PDE10A: variants seen among roughly 807,000 people sequenced by gnomAD.
The protein encoded by PDE10A is cAMP and cAMP-inhibited cGMP 3',5'-cyclic phosphodiesterase 10A.
Under a neutral mutation model 97.7 loss-of-function variants are expected in PDE10A, and 39 were observed. That is an observed-to-expected ratio of 0.40 (90% CI 0.31 to 0.52). The LOEUF (loss-of-function observed/expected upper bound fraction) is 0.52. Ranked by LOEUF, PDE10A falls within the 20% of genes least tolerant of loss-of-function variation. The pLI is 0.56. For missense variants in PDE10A, 731 were observed against 1,047.8 expected (o/e 0.70, Z 4.17); for synonymous variants, 371 against 376.8 (o/e 0.98, Z 0.18).
chr6:165,873,476 T>C (rs1781256209), intron 1 of PDE10A, among the ~76,000 whole-genome samples: 1 of 152,144 alleles, frequency 6.6e-6, no homozygotes, highest in African/African-American at 2.4e-5. Context: ...AATTTCATAT[T>C]ATAAATTCAG....
At chr6:165,522,051 C>G (rs1782160021) in intron 2 of PDE10A, among the ~76,000 whole-genome samples, 1 of 152,118 alleles carries the variant, frequency 6.6e-6, no homozygotes, top group Non-Finnish European at 1.5e-5. Flanking sequence ...TGACTAGATC[C>G]CATTTTGTTT....
chr6:165,647,722 T>C (rs987552010), intron 1 of PDE10A, among the ~76,000 whole-genome samples: 6 of 152,180 alleles, frequency 3.9e-5, no homozygotes, highest in Non-Finnish European at 8.8e-5. Flanking sequence ...CTCAGCAGCC[T>C]TTCTCTTCCT....
In PDE10A at chr6:165,446,243, G is replaced by A. The variant is rs566340809; in HGVS notation, c.1194+2685C>T. ...AGACAAATTCACACAAACACAAACT[G>A]AGAGTGCTTTCCATCAGCAGACTCT... On this transcript the variant is annotated intron_variant, in intron 5 of 21. Coordinates refer to ENST00000539869, the MANE Select transcript of PDE10A (RefSeq NM_001385079.1). Among the ~76,000 whole-genome samples the A allele has an allele frequency of 7.6e-4, 115 of 152,172 alleles. 1 individual carries two copies. Among genetic ancestry groups the A allele is most frequent in the Non-Finnish European group, 1.2e-3 (80 of 68,024 alleles).
chr6:165,456,364 G>A (rs1487369688), intron 3 of PDE10A, among the ~76,000 whole-genome samples: 3 of 152,118 alleles, frequency 2.0e-5, no homozygotes, highest in Non-Finnish European at 4.4e-5. Context: ...CATTTTCCAC[G>A]TGGAAGAAAG....
At chr6:165,810,504 T>C (rs1217766858) in intron 1 of PDE10A, among the ~76,000 whole-genome samples, 1 of 152,200 alleles carries the variant, frequency 6.6e-6, no homozygotes, top group African/African-American at 2.4e-5. Context: ...GGGCCAACTG[T>C]AACATCCCTG....
At chr6:165,561,927 A>C (rs532319069) in intron 1 of PDE10A, among the ~76,000 whole-genome samples, 3 of 152,340 alleles carry the variant, frequency 2.0e-5, no homozygotes, top group African/African-American at 7.2e-5. Context: ...ATCAAATTCT[A>C]GTAGAGAAAT....
In PDE10A at chr6:165,819,389, G is replaced by A. The variant is rs138676025; in HGVS notation, c.-615+168140C>T. On this transcript the variant is annotated intron_variant, in intron 1 of 19. Coordinates refer to the PDE10A transcript ENST00000366882. This position sits in a 1 kb window ranked among gnomAD's most constrained non-coding sequence, Gnocchi z 4.2. ...TCATCCTCAGCTCCTGTTGCCTGATGCAGTTGCCGACCCCACCTCCTGCAC... is the reference window on the plus strand; with the variant it reads ...TCATCCTCAGCTCCTGTTGCCTGATACAGTTGCCGACCCCACCTCCTGCAC... Among the ~76,000 whole-genome samples the A allele has an allele frequency of 2.0e-5, 3 of 152,258 alleles. No homozygotes were observed. Among genetic ancestry groups the A allele is most frequent in the Non-Finnish European group, 4.4e-5 (3 of 68,020 alleles).
chr6:165,872,283 G>A (rs1006193179), intron 1 of PDE10A, among the ~76,000 whole-genome samples: 1 of 152,200 alleles, frequency 6.6e-6, no homozygotes, highest in African/African-American at 2.4e-5. Flanking sequence ...TAAGTCAGTA[G>A]CCAGAAACCC....
At chr6:165,978,884 C>T (rs1244265821) in intron 1 of PDE10A, among the ~76,000 whole-genome samples, 1 of 152,144 alleles carries the variant, frequency 6.6e-6, no homozygotes, top group Non-Finnish European at 1.5e-5. Flanking sequence ...TTATAAATAA[C>T]TCTGAAGTAC....
chr6:165,679,182 A>G (rs1488931674), intron 1 of PDE10A, among the ~76,000 whole-genome samples: 1 of 152,200 alleles, frequency 6.6e-6, no homozygotes, highest in Non-Finnish European at 1.5e-5. Context: ...TCAGGTAGGT[A>G]GGACAGGGCT....
intron 3 of PDE10A, among the ~76,000 whole-genome samples, chr6:165,459,855 C>G (rs111615593): frequency 0.1 from 15,709 of 152,030 alleles, 962 homozygotes; most frequent in Middle Eastern, 0.2. Context: ...GGGAAGCATG[C>G]TCATACTAAA....
At chr6:165,755,544 T>C (rs1162466709) in intron 1 of PDE10A, among the ~76,000 whole-genome samples, 3 of 152,162 alleles carry the variant, frequency 2.0e-5, no homozygotes, top group African/African-American at 4.8e-5. Flanking sequence ...GTCTTTATTA[T>C]CAAATAAGCG....
At chr6:165,782,651 G>A (rs1017839713) in intron 1 of PDE10A, among the ~76,000 whole-genome samples, 4 of 152,060 alleles carry the variant, frequency 2.6e-5, no homozygotes, top group African/African-American at 9.7e-5. Context: ...ATTTCCCCTG[G>A]GTCCATGTAT....
At position 165,327,544 on chromosome 6, in the gene PDE10A, C is replaced by T. The variant is rs1235035401; in HGVS notation, c.*5481G>A. On this transcript the variant is annotated 3_prime_UTR_variant, in exon 22 of 22. Transcript: ENST00000539869. ...TTGCCTAGATTATAATAAATGATTACTGTTCTATTATACAAACATAACAGT... is the reference window on the plus strand; with the variant it reads ...TTGCCTAGATTATAATAAATGATTATTGTTCTATTATACAAACATAACAGT... 6.6e-6 allele frequency: 1 copy of T among 152,150 alleles called. No homozygotes were observed. Among genetic ancestry groups the T allele is most frequent in the East Asian group, 1.9e-4 (1 of 5,188 alleles). The allele number at this position is 152,150 out of a possible 1,614,324, so 9.4% of individuals were successfully genotyped here.
At chr6:165,367,448 C>CA (rs1341774127) in intron 18 of PDE10A, among the ~76,000 whole-genome samples, 1 of 152,014 alleles carries the variant, frequency 6.6e-6, no homozygotes, top group Non-Finnish European at 1.5e-5. Flanking sequence ...ACAGAAGTGT[C>CA]AGAGTCTCAG....
chr6:165,789,171 CAA>C (rs2128463184), intron 1 of PDE10A, among the ~76,000 whole-genome samples: 1 of 152,328 alleles, frequency 6.6e-6, no homozygotes, highest in African/African-American at 2.4e-5. Context: ...ACATCACACA[CAA>C]ATGCTGGTGG....
chr6:165,955,689 A>G (rs768539138), intron 1 of PDE10A, among the ~76,000 whole-genome samples: 4 of 152,264 alleles, frequency 2.6e-5, no homozygotes, highest in Non-Finnish European at 5.9e-5. Context: ...TTCATACTTT[A>G]GAAATTATTG....
intron 17 of PDE10A, among the ~76,000 whole-genome samples, chr6:165,379,784 A>G (rs1475565416): frequency 6.6e-6 from 1 of 152,246 alleles, no homozygotes; most frequent in Non-Finnish European, 1.5e-5. Context: ...GGGCTAAAAA[A>G]GGCATCTATA....
chr6:165,528,630 T>G (rs1782590543), intron 2 of PDE10A, among the ~76,000 whole-genome samples: 1 of 152,234 alleles, frequency 6.6e-6, no homozygotes, highest in Non-Finnish European at 1.5e-5. Context: ...CCAAGACTAC[T>G]GTCCGTGGAT....
Sources: gnomAD v4.1 joint callset for allele counts (sites outside exome capture counted in the v4.1 genomes callset) on GRCh38, gnomAD v4.1.1 for gene constraint, Gnocchi (gnomAD v3.1) non-coding constraint, MANE v1.5 for transcripts, NCBI Gene and HGNC (gene_info 2026-07-23, HGNC 2026-07-21) for gene names.